The following PSEN1 variants were observed in gnomAD, a reference collection of about 807,000 sequenced individuals.
PSEN1 encodes presenilin-1.
PSEN1 carries 15 observed loss-of-function variants against 53.5 expected under a neutral mutation model. That is an observed-to-expected ratio of 0.28 (90% CI 0.19 to 0.43). The LOEUF (loss-of-function observed/expected upper bound fraction) is 0.43, where lower values mean the gene tolerates loss of function less well. Among genes scored for constraint, PSEN1 ranks in the 20% least tolerant of loss-of-function variants. The probability of loss-of-function intolerance (pLI) is 1.00; values close to 1 mark genes in which losing one functional copy is unlikely to be tolerated. For synonymous variants in PSEN1, 208 were observed against 209.8 expected (o/e 0.99, Z 0.08); for missense variants, 387 against 571.2 (o/e 0.68, Z 3.29).
chr14:73,156,946 GCCA>G (rs577277883), intron 3 of PSEN1, among the ~76,000 whole-genome samples: 1 of 151,996 alleles, frequency 6.6e-6, no homozygotes, highest in Non-Finnish European at 1.5e-5. Context: ...ACAGGCATGA[GCCA>G]CCACGCCTGG....
At chr14:73,175,054 C>G (rs758294283) in intron 5 of PSEN1, among the ~76,000 whole-genome samples, 10 of 152,108 alleles carry the variant, frequency 6.6e-5, no homozygotes, top group Non-Finnish European at 1.5e-4. Context: ...GGCATGGTGG[C>G]TCATGCCTGT....
chr14:73,173,168 A>G (rs1377848062), intron 4 of PSEN1, among the ~76,000 whole-genome samples: 1 of 152,220 alleles, frequency 6.6e-6, no homozygotes, highest in Non-Finnish European at 1.5e-5. Flanking sequence ...GGCACTAATT[A>G]TAAGCCATAT....
chr14:73,207,747 C>A (rs564218908), intron 9 of PSEN1, among the ~76,000 whole-genome samples: 1 of 152,344 alleles, frequency 6.6e-6, no homozygotes, highest in African/African-American at 2.4e-5. Flanking sequence ...GCCTAGCTGG[C>A]TATGCTTGGC....
At chr14:73,161,992 T>TAAAAAAAA (rs1179787685) in intron 3 of PSEN1, among the ~76,000 whole-genome samples, 1 of 65,368 alleles carries the variant, frequency 1.5e-5, no homozygotes, top group Admixed American at 1.8e-4. Context: ...CCGTTTCCAC[T>TAAAAAAAA]AAAAAAAAAA....
At chr14:73,217,884 A>G (rs913944641) in intron 11 of PSEN1, among the ~76,000 whole-genome samples, 1 of 147,422 alleles carries the variant, frequency 6.8e-6, no homozygotes, top group Non-Finnish European at 1.5e-5. Context: ...TGCCTCCCAG[A>G]TTTAAGTGAT....
At chr14:73,198,458 G>A (rs747153673) in intron 8 of PSEN1, among the ~76,000 whole-genome samples, 5 of 152,178 alleles carry the variant, frequency 3.3e-5, no homozygotes, top group African/African-American at 4.8e-5. Flanking sequence ...TCTGCTATTC[G>A]GTGACCACTG....
rs1594754232 is a variant in PSEN1 at position 73,211,537 on chromosome 14, CAG to C, written c.956-229_956-228del. ...GCTTGGCTTGGTCAGGATTCACCAC[CAG>C]AGTCATGTGGGAGGGGGTGGGAACC... On this transcript the variant is annotated intron_variant, in intron 9 of 11. Coordinates refer to ENST00000324501, the MANE Select transcript of PSEN1 (RefSeq NM_000021.4). Among the ~76,000 whole-genome samples the C allele has an allele frequency of 2.6e-5, 4 of 152,036 alleles. No individual in the cohort carries two copies. In the South Asian group the frequency reaches 6.2e-4, roughly 24 times the overall value.
intron 9 of PSEN1, among the ~76,000 whole-genome samples, chr14:73,211,312 G>A (rs1899667847): frequency 6.6e-6 from 1 of 152,154 alleles, no homozygotes. Flanking sequence ...GTAGTTCTAG[G>A]CATCATGTCT....
chr14:73,207,750 T>G (rs28607501), intron 9 of PSEN1, among the ~76,000 whole-genome samples: 25,352 of 152,202 alleles, frequency 0.17, 2,980 homozygotes, highest in African/African-American at 0.34. Flanking sequence ...TAGCTGGCTA[T>G]GCTTGGCTTT....
At chr14:73,172,823 C>G (rs1318380975) in intron 4 of PSEN1, among the ~76,000 whole-genome samples, 3 of 152,184 alleles carry the variant, frequency 2.0e-5, no homozygotes, top group Non-Finnish European at 4.4e-5. Context: ...CTTCTTTCTT[C>G]TTTAGCTTCT....
chr14:73,203,975 A>G (rs1287978904), intron 8 of PSEN1, among the ~76,000 whole-genome samples: 1 of 152,140 alleles, frequency 6.6e-6, no homozygotes, highest in Non-Finnish European at 1.5e-5. Flanking sequence ...ACTACATTAA[A>G]AAACATATTT....
intron 1 of PSEN1, among the ~76,000 whole-genome samples, chr14:73,142,507 A>G (rs1896957613): frequency 6.6e-6 from 1 of 152,250 alleles, no homozygotes; most frequent in African/African-American, 2.4e-5. Context: ...TCTGAGAGTG[A>G]AAAAAGAAAA....
Position 73,222,823 on chromosome 14 carries a change from A to G in PSEN1, c.*3534A>G, listed in dbSNP as rs2140155909. 6.6e-6 allele frequency: 1 copy of G among 152,368 alleles called. No homozygotes were observed. The highest frequency in any genetic ancestry group is 1.9e-4 in the East Asian group (1 of 5,190). 9.4% of individuals were successfully genotyped at this position (152,368 alleles called of 1,614,324 possible). A position where few individuals can be genotyped will look rare whatever the true frequency, so the allele number is the denominator to read the frequency against. ...ATTCAGAAATCAATCCATTCAGTAA[A>G]GTACTCCTTCTCTAAATTTGCTGTT... On this transcript the variant is annotated 3_prime_UTR_variant, in exon 12 of 12. Transcript: ENST00000324501.
chr14:73,186,732 G>A (rs1239118413), intron 5 of PSEN1, 121 bp from the exon 6 acceptor site: 14 of 813,184 alleles, frequency 1.7e-5, no homozygotes, highest in Non-Finnish European at 2.6e-5. Context: ...AGCTGAGATC[G>A]TGCCACTGCA....
intron 5 of PSEN1, among the ~76,000 whole-genome samples, chr14:73,185,788 A>G (rs1459421497): frequency 6.6e-6 from 1 of 152,136 alleles, no homozygotes; most frequent in Non-Finnish European, 1.5e-5. Context: ...TGGCCTCATG[A>G]TCCGCCTGCC....
At chr14:73,170,717 G>A (rs1017482382) in intron 3 of PSEN1, 80 bp from the exon 4 acceptor site, 46 of 1,480,692 alleles carry the variant, frequency 3.1e-5, no homozygotes, top group Non-Finnish European at 7.5e-6. Flanking sequence ...TGACGGGTCT[G>A]TTGTTAATCC....
chr14:73,210,080 CA>C (rs1899617382), intron 9 of PSEN1, among the ~76,000 whole-genome samples: 1 of 152,104 alleles, frequency 6.6e-6, no homozygotes, highest in Non-Finnish European at 1.5e-5. Flanking sequence ...CTAGAAGTTA[CA>C]TTGGAACAAA....
intron 5 of PSEN1, among the ~76,000 whole-genome samples, chr14:73,184,323 G>C (rs1295718368): frequency 1.0e-5 from 1 of 96,304 alleles, no homozygotes; most frequent in Non-Finnish European, 2.1e-5. Flanking sequence ...CCTCCCTCCC[G>C]GACGGGGCGG....
intron 3 of PSEN1, among the ~76,000 whole-genome samples, chr14:73,157,454 T>C (rs1412184792): frequency 6.6e-6 from 1 of 152,166 alleles, no homozygotes; most frequent in African/African-American, 2.4e-5. Context: ...AAGATACATT[T>C]TTAAAAACAG....
Sources: allele counts gnomAD v4.1 joint callset (sites outside exome capture counted in the v4.1 genomes callset), GRCh38; gene constraint gnomAD v4.1.1; transcripts MANE v1.5; gene names NCBI Gene and HGNC (gene_info 2026-07-23, HGNC 2026-07-21).